Variants in WDFY4 observed in about 807,000 individuals in gnomAD.
The protein encoded by WDFY4 is WD repeat- and FYVE domain-containing protein 4.
A neutral mutation model predicts 351.9 loss-of-function variants in WDFY4; 169 were observed. That is an observed-to-expected ratio of 0.48 (90% confidence interval 0.42 to 0.55). The LOEUF is 0.55. Among genes scored for constraint, WDFY4 ranks in the 20% least tolerant of loss-of-function variants. WDFY4 has a pLI of 0.00. For synonymous variants in WDFY4, 1,622 were observed against 1,574.6 expected, an observed-to-expected ratio of 1.03 and a Z score of -0.71; for missense variants, 3,803 against 3,935.6, an observed-to-expected ratio of 0.97 and a Z score of 0.90.
intron 30 of WDFY4, among the ~76,000 whole-genome samples, chr10:48,812,190 G>GTTTTTT (rs199764757): frequency 1.2e-4 from 16 of 137,540 alleles, no homozygotes; most frequent in African/African-American, 3.0e-4. Context: ...TTTTTTTTTT[G>GTTTTTT]TTTTTTTTGT....
At chr10:48,892,844 A>C (rs2943244) in intron 44 of WDFY4, among the ~76,000 whole-genome samples, 46,864 of 152,138 alleles carry the variant, frequency 0.31, 8,892 homozygotes, top group Non-Finnish European at 0.43. Context: ...TGCACTTTGC[A>C]CTTTGGAAAT....
At chr10:48,818,883 G>A (rs1227016424) in intron 32 of WDFY4, among the ~76,000 whole-genome samples, 1 of 152,220 alleles carries the variant, frequency 6.6e-6, no homozygotes, top group Non-Finnish European at 1.5e-5. Flanking sequence ...CACAGCCAGA[G>A]GCGCAGGCAG....
intron 12 of WDFY4, among the ~76,000 whole-genome samples, chr10:48,748,576 G>T (rs1419948700): frequency 1.3e-5 from 2 of 152,224 alleles, no homozygotes; most frequent in Non-Finnish European, 2.9e-5. Context: ...CTAACCAATG[G>T]ACTGCGTCAG....
intron 24 of WDFY4, among the ~76,000 whole-genome samples, chr10:48,799,427 G>A (rs1458101604): frequency 1.3e-5 from 2 of 150,704 alleles, no homozygotes; most frequent in Non-Finnish European, 2.9e-5. Flanking sequence ...GTGCCCATTG[G>A]AGGTCACTGA....
At chr10:48,860,386 T>TAGCC (rs2069294158) in intron 39 of WDFY4, among the ~76,000 whole-genome samples, 1 of 152,202 alleles carries the variant, frequency 6.6e-6, no homozygotes, top group Non-Finnish European at 1.5e-5. Context: ...ATTGTCTCCC[T>TAGCC]GGTGAAGGCT....
At chr10:48,815,392 G>A (rs1294261428) in intron 31 of WDFY4, among the ~76,000 whole-genome samples, 1 of 151,988 alleles carries the variant, frequency 6.6e-6, no homozygotes, top group Non-Finnish European at 1.5e-5. Flanking sequence ...TCTTTTGCCA[G>A]TTTTTCTGGG....
intron 44 of WDFY4, among the ~76,000 whole-genome samples, chr10:48,892,542 T>C (rs564994770): frequency 6.6e-6 from 1 of 152,370 alleles, no homozygotes; most frequent in Non-Finnish European, 1.5e-5. Flanking sequence ...GGGTCTCATC[T>C]GGTGCCCTAA....
intron 12 of WDFY4, among the ~76,000 whole-genome samples, chr10:48,749,215 G>A (rs935386033): frequency 2.0e-5 from 3 of 152,096 alleles, no homozygotes; most frequent in African/African-American, 7.3e-5. Flanking sequence ...GACATGTTAT[G>A]TAATTCCAAA....
chr10:48,957,828 A>G (rs948840396), intron 52 of WDFY4, among the ~76,000 whole-genome samples: 15 of 152,170 alleles, frequency 9.9e-5, no homozygotes, highest in African/African-American at 3.6e-4. Context: ...GCTGCTATAG[A>G]GGTGGAACAA....
At chr10:48,788,117 TC>T (rs1565199737) in intron 20 of WDFY4, among the ~76,000 whole-genome samples, 3 of 151,512 alleles carry the variant, frequency 2.0e-5, no homozygotes, top group Non-Finnish European at 4.4e-5. Flanking sequence ...AACCTCTGCC[TC>T]CCCGGTTCAA....
chr10:48,827,991 A>C (rs1444547398), intron 36 of WDFY4, among the ~76,000 whole-genome samples: 1 of 151,888 alleles, frequency 6.6e-6, no homozygotes, highest in Non-Finnish European at 1.5e-5. Flanking sequence ...GCTTGAGATG[A>C]TACCCTCCTC....
intron 44 of WDFY4, 65 bp downstream of exon 44, chr10:48,890,792 C>T: frequency 1.9e-6 from 3 of 1,539,578 alleles, no homozygotes; most frequent in African/African-American, 2.7e-5. Flanking sequence ...CAGCCGCCCC[C>T]ACTATTCCCC....
chr10:48,974,222 G>A (rs1312539947), intron 57 of WDFY4, among the ~76,000 whole-genome samples: 1 of 151,966 alleles, frequency 6.6e-6, no homozygotes, highest in Non-Finnish European at 1.5e-5. Flanking sequence ...ACATGAACTG[G>A]CCAGGTGTGA....
At chr10:48,946,796 C>A in intron 50 of WDFY4, 64 bp from the exon 51 acceptor site, 1 of 1,216,536 alleles carries the variant, frequency 8.2e-7, no homozygotes, top group South Asian at 1.3e-5. Flanking sequence ...CAGTGTAGCA[C>A]ACATATCTGC....
At position 48,731,592 on chromosome 10, in the gene WDFY4, C is replaced by T. The variant is rs1374002322; in HGVS notation, c.1582+30C>T. 2.6e-6 allele frequency: 4 copies of T among 1,536,172 alleles called. No homozygotes were observed. In the African/African-American group the frequency reaches 4.1e-5, roughly 16 times the overall value. ...CACTGGGTGCATTGGGAGGGATGGG[C>T]AGGGGTCAGTGTCAGCCAGGCCTGA... On this transcript the variant is annotated intron_variant, in intron 9 of 61. Transcript: ENST00000325239.
At position 48,731,223 on chromosome 10, in the gene WDFY4, T is replaced by G; in HGVS notation, c.1243T>G (p.Trp415Gly). Residue 415 changes from tryptophan (W) to glycine (G), a missense_variant, in exon 9 of 62, where the codon TGG (tryptophan) becomes GGG (glycine). By Grantham distance (184) the Trp-to-Gly change is radical. This residue lies in a region of WDFY4 where 261 missense variants were observed against 330.2 expected (regional missense o/e 0.79). Transcript: ENST00000325239. ...VLSVIRTMWA[W>G]NARNFFLLEW... ...GTCAGTCATCAGGACCATGTGGGCC[T>G]GGAATGCTCGAAACTTCTTCCTGCT... The G allele has an allele frequency of 3.2e-6, 5 of 1,551,892 alleles. No homozygotes were observed. The African/African-American group carries it at 5.5e-5, about 17-fold the overall frequency.
intron 12 of WDFY4, among the ~76,000 whole-genome samples, chr10:48,756,410 T>C (rs886305132): frequency 4.6e-5 from 7 of 152,030 alleles, no homozygotes; most frequent in Non-Finnish European, 1.5e-5. Flanking sequence ...AGTTTTTTTT[T>C]TTATGGATTC....
At chr10:48,832,877 A>G (rs1207514436) in intron 39 of WDFY4, among the ~76,000 whole-genome samples, 168 bp downstream of exon 39, 1 of 152,198 alleles carries the variant, frequency 6.6e-6, no homozygotes, top group Non-Finnish European at 1.5e-5. Flanking sequence ...TTTAGGCTGT[A>G]TTAGGCTGGC....
chr10:48,945,564 A>G (rs547139917), intron 49 of WDFY4, among the ~76,000 whole-genome samples: 1 of 152,222 alleles, frequency 6.6e-6, no homozygotes, highest in African/African-American at 2.4e-5. Flanking sequence ...CGCTCACAGC[A>G]TGCTTTCACT....
Sources: allele counts gnomAD v4.1 joint callset (sites outside exome capture counted in the v4.1 genomes callset), GRCh38; gene constraint gnomAD v4.1.1; regional missense constraint gnomAD v4.1.1; transcripts MANE v1.5; gene names NCBI Gene and HGNC (gene_info 2026-07-23, HGNC 2026-07-21).